Variants in TAFA5 observed in about 807,000 individuals in gnomAD.
TAFA5 encodes TAFA chemokine like family member 5, also known as chemokine-like protein TAFA-5.
In TAFA5, 6 loss-of-function variants were observed where a neutral mutation model predicts 15.3. That is an observed-to-expected ratio of 0.39 (90% confidence interval 0.21 to 0.77). The LOEUF is 0.77. Ranked by LOEUF, TAFA5 falls within the 30% of genes least tolerant of loss-of-function variation. The probability of loss-of-function intolerance (pLI) is 0.41; values close to 1 mark genes in which losing one functional copy is unlikely to be tolerated. For synonymous variants in TAFA5, 103 were observed against 80.7 expected (o/e 1.28, Z -1.48); for missense variants, 161 against 193.1 (o/e 0.83, Z 0.98).
chr22:48,578,441 G>C (rs771014957), intron 1 of TAFA5, among the ~76,000 whole-genome samples: 9 of 152,234 alleles, frequency 5.9e-5, no homozygotes, highest in Non-Finnish European at 8.8e-5. Context: ...CTGTCTCCCA[G>C]ATGGGAGGGT....
At chr22:48,663,553 G>A (rs1039756772) in intron 2 of TAFA5, among the ~76,000 whole-genome samples, 18 of 152,376 alleles carry the variant, frequency 1.2e-4, no homozygotes, top group African/African-American at 3.8e-4. Context: ...TACTTGTTCA[G>A]AGGTAAGCAC....
intron 3 of TAFA5, among the ~76,000 whole-genome samples, chr22:48,723,995 C>T (rs1357022365): frequency 1.3e-5 from 2 of 152,250 alleles, no homozygotes; most frequent in East Asian, 1.9e-4. Flanking sequence ...GAAACCCCTG[C>T]CCATCTGGTC....
At chr22:48,699,520 A>G (rs1002625401) in intron 2 of TAFA5, among the ~76,000 whole-genome samples, 4 of 152,094 alleles carry the variant, frequency 2.6e-5, no homozygotes, top group African/African-American at 7.2e-5. Flanking sequence ...GTGTGTATAC[A>G]TTTCCCCGCG....
At chr22:48,741,032 G>A (rs1335495369) in intron 3 of TAFA5, among the ~76,000 whole-genome samples, 1 of 152,132 alleles carries the variant, frequency 6.6e-6, no homozygotes, top group African/African-American at 2.4e-5. Context: ...GAGGATGTAG[G>A]AAGTGGAGAC....
At position 48,742,105 on chromosome 22, in the gene TAFA5, C is replaced by A. The variant is rs1027416124; in HGVS notation, c.391-7734C>A. Among the ~76,000 whole-genome samples the A allele has an allele frequency of 6.6e-6, 1 of 152,148 alleles. No homozygotes were observed. The highest frequency in any genetic ancestry group is 2.1e-4 in the South Asian group (1 of 4,830). ...AGGCTGTGGGAGGTCGGGGCACCTG[C>A]CAGGCTCTGGAGGGGTCTGGCTGCA... On this transcript the variant is annotated intron_variant, in intron 3 of 3. Transcript: ENST00000402357. The surrounding 1 kb of genome is among the most constrained non-coding windows in gnomAD (Gnocchi z 6.2).
intron 1 of TAFA5, among the ~76,000 whole-genome samples, chr22:48,542,267 G>C (rs1315078378): frequency 7.2e-6 from 1 of 138,004 alleles, no homozygotes; most frequent in African/African-American, 2.7e-5. Context: ...TGTGTGTGTG[G>C]TGTGTGTGGG....
intron 1 of TAFA5, among the ~76,000 whole-genome samples, chr22:48,607,769 G>A (rs1925247722): frequency 6.6e-6 from 1 of 151,778 alleles, no homozygotes; most frequent in South Asian, 2.1e-4. Flanking sequence ...TCTGCAGCAG[G>A]CAGACCCAAA....
intron 2 of TAFA5, among the ~76,000 whole-genome samples, chr22:48,698,425 T>A (rs1427336510): frequency 7.0e-6 from 1 of 143,310 alleles, no homozygotes; most frequent in Admixed American, 6.9e-5. Flanking sequence ...TGATGGTGGT[T>A]GTGATGGTGG....
intron 2 of TAFA5, among the ~76,000 whole-genome samples, chr22:48,666,634 T>G (rs551275240): frequency 0.013 from 953 of 71,676 alleles, 8 homozygotes; most frequent in Non-Finnish European, 0.017. Flanking sequence ...TCCCTCTTGG[T>G]GTGGACATGT....
chr22:48,637,723 G>A (rs1470423180), intron 1 of TAFA5, among the ~76,000 whole-genome samples: 1 of 151,944 alleles, frequency 6.6e-6, no homozygotes, highest in African/African-American at 2.4e-5. Context: ...GGTGTGTCTG[G>A]GACGAGGCAG....
At chr22:48,688,369 T>A (rs1034766289) in intron 2 of TAFA5, among the ~76,000 whole-genome samples, 3 of 152,264 alleles carry the variant, frequency 2.0e-5, no homozygotes, top group African/African-American at 7.2e-5. Flanking sequence ...AATTTTAAGA[T>A]GTAATCTGGG....
intron 2 of TAFA5, among the ~76,000 whole-genome samples, chr22:48,693,951 C>A (rs1928622155): frequency 6.6e-6 from 1 of 152,214 alleles, no homozygotes; most frequent in Non-Finnish European, 1.5e-5. Flanking sequence ...TGCCACCCTC[C>A]TGTCTTCTGT....
chr22:48,718,517 C>T (rs1000474495), intron 3 of TAFA5, among the ~76,000 whole-genome samples: 2 of 152,136 alleles, frequency 1.3e-5, no homozygotes, highest in African/African-American at 4.8e-5. Flanking sequence ...CCCGTGCGAC[C>T]TGTGTCTGCC....
intron 3 of TAFA5, among the ~76,000 whole-genome samples, chr22:48,731,778 T>C (rs1223479938): frequency 2.0e-5 from 3 of 152,216 alleles, no homozygotes; most frequent in Non-Finnish European, 4.4e-5. Context: ...GATGGAGATG[T>C]TCCAGGAGAT....
Position 48,550,998 on chromosome 22 carries a change from A to G in TAFA5, c.112+61294A>G, listed in dbSNP as rs544858139. ...GCCCTGGTCCTGATTTGGACATCAT[A>G]AGATGGGCTGCTGTGGTGTCCCCTC... On this transcript the variant is annotated intron_variant, in intron 1 of 3. Transcript: ENST00000402357. The surrounding 1 kb of genome is among the most constrained non-coding windows in gnomAD (Gnocchi z 4.1). Among the ~76,000 whole-genome samples, 1 of 151,840 alleles carries G rather than the reference A, an allele frequency of 6.6e-6. No individual in the cohort carries two copies. The highest frequency in any genetic ancestry group is 2.1e-4 in the South Asian group (1 of 4,784).
At chr22:48,582,676 A>G (rs1924110943) in intron 1 of TAFA5, among the ~76,000 whole-genome samples, 1 of 151,300 alleles carries the variant, frequency 6.6e-6, no homozygotes, top group Admixed American at 6.6e-5. Context: ...AATACACCAC[A>G]CACGAAATAC....
In TAFA5 at chr22:48,693,213, C is replaced by T. The variant is rs62224996; in HGVS notation, c.263-14504C>T. On this transcript the variant is annotated intron_variant, in intron 2 of 3. Coordinates refer to ENST00000402357, the MANE Select transcript of TAFA5 (RefSeq NM_001082967.3). ...GGGGCCTCAGTGACGGGGCCTCACTCGTCCTCAGAGCAGCCTGGCAGGATG... is the reference window on the plus strand; with the variant it reads ...GGGGCCTCAGTGACGGGGCCTCACTTGTCCTCAGAGCAGCCTGGCAGGATG... 5.4e-3 allele frequency: 7,428 copies of T among 1,381,956 alleles called. 31 individuals carry two copies. The highest frequency in any genetic ancestry group is 6.6e-3 in the Non-Finnish European group (6,726 of 1,013,210). 85.6% of individuals were successfully genotyped at this position (1,381,956 alleles called of 1,614,324 possible).
intron 3 of TAFA5, among the ~76,000 whole-genome samples, chr22:48,724,328 G>A (rs1929655294): frequency 6.6e-6 from 1 of 152,210 alleles, no homozygotes; most frequent in South Asian, 2.1e-4. Flanking sequence ...ACAGGGACAT[G>A]TGACTGATGA....
intron 1 of TAFA5, among the ~76,000 whole-genome samples, chr22:48,565,310 G>A (rs1408396479): frequency 6.6e-6 from 1 of 152,228 alleles, no homozygotes; most frequent in African/African-American, 2.4e-5. Context: ...GGCCCTCCTA[G>A]CGGTGGGTAG....
Sources: allele counts gnomAD v4.1 joint callset (sites outside exome capture counted in the v4.1 genomes callset), GRCh38; gene constraint gnomAD v4.1.1; non-coding constraint Gnocchi (gnomAD v3.1); transcripts MANE v1.5; gene names NCBI Gene and HGNC (gene_info 2026-07-23, HGNC 2026-07-21).